The following C2orf74 variants were observed in gnomAD, a reference collection of about 807,000 sequenced individuals.
C2orf74 encodes DPM1 ER membrane anchor 1.
C2orf74 carries 14 observed loss-of-function variants against 17.9 expected under a neutral mutation model. The ratio of observed to expected loss-of-function variants is 0.78; its 90% CI spans 0.52 to 1.22. C2orf74 has a LOEUF of 1.22. C2orf74 is among the 50% of genes most tolerant of loss of function. The pLI, the probability that C2orf74 is intolerant of heterozygous loss-of-function variation, is 0.00. For missense variants in C2orf74, 217 were observed against 218.4 expected (o/e 0.99, Z 0.04); for synonymous variants, 79 against 72.6 (o/e 1.09, Z -0.44).
At chr2:61,164,255 T>C in intron 4 of C2orf74, 99 bp from the exon 5 acceptor site, 1 of 968,886 alleles carries the variant, frequency 1.0e-6, no homozygotes. Context: ...AAATGCTTTT[T>C]CTGTTTCTCG....
upstream of C2orf74, among the ~76,000 whole-genome samples, chr2:61,157,352 A>T (rs1665260): frequency 0.42 from 63,363 of 151,986 alleles, 13,452 homozygotes; most frequent in Middle Eastern, 0.5. Flanking sequence ...TGGAGGGAAC[A>T]TATTTAATGC....
chr2:61,163,106 CCAG>C lies in C2orf74; in HGVS notation c.265_267del (p.Gln89del). 1.3e-6 allele frequency: 2 copies of C among 1,552,082 alleles called. No homozygotes were observed. Among genetic ancestry groups the C allele is most frequent in the South Asian group, 1.2e-5 (1 of 84,056 alleles). ...TGCCGATGAGGCCTGGCATTCTTGT[CCAG>C]AGACAGAGTAAGGAAGTGTTGGCCA... On this transcript the variant is annotated inframe_deletion, in exon 4 of 5. Coordinates refer to ENST00000432605, the MANE Select transcript of C2orf74 (RefSeq NM_001143959.4).
chr2:61,164,569 A>T lies in C2orf74; in HGVS notation c.*42A>T. 1 of 1,406,486 alleles carries T rather than the reference A, an allele frequency of 7.1e-7. No individual in the cohort carries two copies. The highest frequency in any genetic ancestry group is 9.4e-7 in the Non-Finnish European group (1 of 1,061,726). The allele number at this position is 1,406,486 out of a possible 1,614,324, so 87.1% of individuals were successfully genotyped here. Reference sequence around the variant, plus strand: ...AGAGTGAAAGAAAATGTAACGTTTGACTAACGTTGAAAGACTGAGGGTACA... The same window carrying T: ...AGAGTGAAAGAAAATGTAACGTTTGTCTAACGTTGAAAGACTGAGGGTACA... On this transcript the variant is annotated 3_prime_UTR_variant, in exon 5 of 5. Coordinates refer to ENST00000432605, the MANE Select transcript of C2orf74 (RefSeq NM_001143959.4).
intron 1 of C2orf74, among the ~76,000 whole-genome samples, chr2:61,154,656 T>C (rs1023848311): frequency 3.9e-5 from 6 of 152,212 alleles, no homozygotes; most frequent in African/African-American, 1.4e-4. Flanking sequence ...GTTTTAAGTC[T>C]GCTTTTGCCC....
chr2:61,159,205 C>T, upstream of C2orf74: 1 of 250,338 alleles, frequency 4.0e-6, no homozygotes, highest in Non-Finnish European at 8.1e-6. Flanking sequence ...ACCATGTTAG[C>T]CAGGATGGCC....
intron 1 of C2orf74, among the ~76,000 whole-genome samples, chr2:61,153,560 G>T (rs985170661): frequency 5.3e-5 from 8 of 150,896 alleles, no homozygotes; most frequent in African/African-American, 1.9e-4. Flanking sequence ...GGGATTACAG[G>T]TGTGAGCCAC....
In C2orf74 at chr2:61,164,573, A is replaced by AT. The variant is rs1472210051; in HGVS notation, c.*46_*47insT. On this transcript the variant is annotated 3_prime_UTR_variant, in exon 5 of 5. Coordinates refer to ENST00000432605, the MANE Select transcript of C2orf74 (RefSeq NM_001143959.4). Reference sequence around the variant, plus strand: ...TGAAAGAAAATGTAACGTTTGACTAACGTTGAAAGACTGAGGGTACAAAAT... The same window carrying AT: ...TGAAAGAAAATGTAACGTTTGACTAATCGTTGAAAGACTGAGGGTACAAAAT... 2.9e-6 allele frequency: 4 copies of AT among 1,373,718 alleles called. No individual in the cohort carries two copies. In the African/African-American group the frequency reaches 4.5e-5, roughly 15 times the overall value. The allele number at this position is 1,373,718 out of a possible 1,614,324, so 85.1% of individuals were successfully genotyped here.
At chr2:61,149,436 T>G (rs1685159942) in intron 1 of C2orf74, among the ~76,000 whole-genome samples, 1 of 152,078 alleles carries the variant, frequency 6.6e-6, no homozygotes, top group Non-Finnish European at 1.5e-5. Context: ...AGAGCTAAAG[T>G]CAGAAAAACT....
intron 4 of C2orf74, among the ~76,000 whole-genome samples, chr2:61,163,554 A>G (rs1036632457): frequency 6.6e-6 from 1 of 151,920 alleles, no homozygotes; most frequent in African/African-American, 2.4e-5. Context: ...CAGTGAGCCA[A>G]GATCGCCACT....
chr2:61,162,919 C>T lies in C2orf74; in HGVS notation c.173C>T (p.Ala58Val). The change falls in exon 3 of 5, where the codon GCC (alanine) becomes GTC (valine). Residue 58 changes from alanine (A) to valine (V), a missense_variant. Physicochemically the swap from Ala to Val is moderately conservative, Grantham distance 64 (BLOSUM62 0). Coordinates refer to ENST00000432605, the MANE Select transcript of C2orf74 (RefSeq NM_001143959.4). ...DANGGVDCAA[A>V]KVVTSNPEDH... ...AACGGAGGTGTAGACTGTGCAGCTG[C>T]CAAAGTGGTGACAAGCAATCCAGAG... is the stretch of plus-strand genomic sequence containing the variant. 6.4e-7 allele frequency: 1 copy of T among 1,552,496 alleles called. No homozygotes were observed. Among genetic ancestry groups the T allele is most frequent in the Non-Finnish European group, 8.7e-7 (1 of 1,147,154 alleles).
At chr2:61,147,092 C>T (rs1685093530) in intron 1 of C2orf74, among the ~76,000 whole-genome samples, 2 of 151,794 alleles carry the variant, frequency 1.3e-5, no homozygotes, top group South Asian at 4.2e-4. Flanking sequence ...TCGGTTGAGC[C>T]CAGGAGACAG....
intron 4 of C2orf74, among the ~76,000 whole-genome samples, 177 bp downstream of exon 4, chr2:61,163,409 G>A (rs147743581): frequency 6.6e-6 from 1 of 152,044 alleles, no homozygotes; most frequent in Non-Finnish European, 1.5e-5. Flanking sequence ...ATCGAGACCA[G>A]CCTGGCCAAC....
chr2:61,163,093 C>G lies in C2orf74; in HGVS notation c.251C>G (p.Pro84Arg). 6.4e-7 allele frequency: 1 copy of G among 1,552,118 alleles called. No individual in the cohort carries two copies. Among genetic ancestry groups the G allele is most frequent in the Non-Finnish European group, 8.7e-7 (1 of 1,147,060 alleles). Residue 84 changes from proline (P) to arginine (R), a missense_variant, in exon 4 of 5, where the codon CCT (proline) becomes CGT (arginine). Pro to Arg is a moderately radical substitution (Grantham distance 103). Transcript: ENST00000432605. ...ATGAACTTGAATGTGCCGATGAGGCCTGGCATTCTTGTCCAGAGACAGAGT... is the reference window on the plus strand; with the variant it reads ...ATGAACTTGAATGTGCCGATGAGGCGTGGCATTCTTGTCCAGAGACAGAGT... ...QVMNLNVPMR[P>R]GILVQRQSKE...
At chr2:61,161,150 A>G (rs1377415091), upstream of C2orf74, among the ~76,000 whole-genome samples, 1 of 152,138 alleles carries the variant, frequency 6.6e-6, no homozygotes, top group Non-Finnish European at 1.5e-5. Flanking sequence ...CACTTCCCTA[A>G]TGATTAGTGT....
upstream of C2orf74, among the ~76,000 whole-genome samples, chr2:61,157,630 A>G (rs1314109885): frequency 6.6e-6 from 1 of 152,166 alleles, no homozygotes; most frequent in African/African-American, 2.4e-5. Flanking sequence ...GTCTTTCTCC[A>G]TACTCTCAGC....
At chr2:61,146,716 C>A (rs1183803017) in intron 1 of C2orf74, among the ~76,000 whole-genome samples, 2 of 152,072 alleles carry the variant, frequency 1.3e-5, no homozygotes, top group African/African-American at 4.8e-5. Context: ...TGCCTGTGGT[C>A]CCAGCTACTC....
intron 1 of C2orf74, among the ~76,000 whole-genome samples, chr2:61,154,931 G>C (rs942006857): frequency 6.6e-6 from 1 of 152,014 alleles, no homozygotes; most frequent in African/African-American, 2.4e-5. Context: ...TGGGTGTGGT[G>C]GTGCACGCCT....
intron 1 of C2orf74, among the ~76,000 whole-genome samples, chr2:61,145,363 G>A (rs911233470): frequency 2.6e-5 from 4 of 152,176 alleles, no homozygotes; most frequent in Non-Finnish European, 5.9e-5. Context: ...CAGAAAAATA[G>A]TAGTTAAAAA....
At chr2:61,151,911 G>A (rs1364840177) in intron 1 of C2orf74, 1 of 152,344 alleles carries the variant, frequency 6.6e-6, no homozygotes, top group Admixed American at 6.5e-5. Context: ...TTCAGTCCAG[G>A]TACATTGTGG....
Sources: gnomAD v4.1 joint callset for allele counts (sites outside exome capture counted in the v4.1 genomes callset) on GRCh38, gnomAD v4.1.1 for gene constraint, MANE v1.5 for transcripts, NCBI Gene and HGNC (gene_info 2026-07-23, HGNC 2026-07-21) for gene names.